Variants in BICD1 observed in about 807,000 individuals in gnomAD.
The protein encoded by BICD1 is protein bicaudal D homolog 1.
In BICD1, 35 loss-of-function variants were observed where a neutral mutation model predicts 92.5. The observed-to-expected ratio is 0.38, with a 90% CI of 0.29 to 0.50. BICD1 has a LOEUF of 0.50. Among genes scored for constraint, BICD1 ranks in the 20% least tolerant of loss-of-function variants. BICD1 has a pLI of 0.93. For synonymous variants in BICD1, 429 were observed against 465.1 expected, an observed-to-expected ratio of 0.92 and a Z score of 1.00; for missense variants, 950 against 1,189.8, an observed-to-expected ratio of 0.80 and a Z score of 2.97.
At chr12:32,248,092 C>A (rs1161346337) in intron 2 of BICD1, among the ~76,000 whole-genome samples, 43 of 150,188 alleles carry the variant, frequency 2.9e-4, no homozygotes, top group African/African-American at 1.0e-3. Context: ...AACAAACAAA[C>A]AAACAAAAAA....
intron 1 of BICD1, among the ~76,000 whole-genome samples, chr12:32,173,396 A>C (rs1944006658): frequency 6.6e-6 from 1 of 152,072 alleles, no homozygotes; most frequent in African/African-American, 2.4e-5. Flanking sequence ...ACTCCTAGAA[A>C]CTTTCACCTG....
intron 2 of BICD1, among the ~76,000 whole-genome samples, chr12:32,283,819 C>G (rs1286388115): frequency 6.6e-6 from 1 of 152,190 alleles, no homozygotes; most frequent in African/African-American, 2.4e-5. Flanking sequence ...CTGGGCCTGT[C>G]CCATGGATCT....
intron 5 of BICD1, chr12:32,332,401 G>A: frequency 1.0e-6 from 1 of 973,136 alleles, no homozygotes; most frequent in Non-Finnish European, 1.2e-6. Flanking sequence ...TAAATAAATA[G>A]GCATTCTGTA....
chr12:32,311,535 C>G (rs1948378809), intron 4 of BICD1, among the ~76,000 whole-genome samples: 1 of 152,068 alleles, frequency 6.6e-6, no homozygotes, highest in Admixed American at 6.6e-5. Context: ...TGGTTTGGTT[C>G]AGAAAGGTGG....
At chr12:32,272,863 G>T (rs1947179579) in intron 2 of BICD1, among the ~76,000 whole-genome samples, 2 of 152,190 alleles carry the variant, frequency 1.3e-5, no homozygotes, top group African/African-American at 4.8e-5. Flanking sequence ...GGAGGGTTTA[G>T]ATTGGAAAAT....
At chr12:32,220,784 C>G (rs1196037374) in intron 2 of BICD1, among the ~76,000 whole-genome samples, 1 of 137,644 alleles carries the variant, frequency 7.3e-6, no homozygotes, top group African/African-American at 2.8e-5. Context: ...GCTATAAAGA[C>G]ACATGCACAC....
chr12:32,242,573 AT>A (rs1946267757), intron 2 of BICD1, among the ~76,000 whole-genome samples: 1 of 152,188 alleles, frequency 6.6e-6, no homozygotes, highest in Admixed American at 6.5e-5. Context: ...ATTAAGTACA[AT>A]TTAATATAAT....
intron 1 of BICD1, among the ~76,000 whole-genome samples, chr12:32,190,792 C>T (rs767822711): frequency 6.6e-6 from 1 of 152,130 alleles, no homozygotes; most frequent in Admixed American, 6.5e-5. Flanking sequence ...CAGCAGAATA[C>T]ACGTTTTTCT....
intron 4 of BICD1, among the ~76,000 whole-genome samples, chr12:32,315,264 A>G (rs1691140248): frequency 6.6e-6 from 1 of 152,220 alleles, no homozygotes. Flanking sequence ...TCCAAAATCA[A>G]CTGGTCATAG....
rs1938206247 is a variant in BICD1, at chr12:32,337,944, A to G, written c.2570+128A>G. ...AAGAAAAAATGGGAGCTGGCATATA[A>G]ATGGTCTTGCTAATGTGGGTCTTTC... On this transcript the variant is annotated intron_variant, in intron 7 of 9. Transcript: ENST00000652176. This position sits in a 1 kb window ranked among gnomAD's most constrained non-coding sequence, Gnocchi z 4.7. The G allele has an allele frequency of 9.5e-7, 1 of 1,050,184 alleles. No homozygotes were observed. The highest frequency in any genetic ancestry group is 1.6e-5 in the African/African-American group (1 of 62,984). 65.1% of individuals were successfully genotyped at this position (1,050,184 alleles called of 1,614,324 possible). A position where few individuals can be genotyped will look rare whatever the true frequency, so the allele number is the denominator to read the frequency against.
At chr12:32,317,293 C>T (rs1348491090) in intron 4 of BICD1, among the ~76,000 whole-genome samples, 2 of 152,216 alleles carry the variant, frequency 1.3e-5, no homozygotes, top group African/African-American at 2.4e-5. Flanking sequence ...CTGACTTCCA[C>T]AATGGTCGAA....
intron 2 of BICD1, among the ~76,000 whole-genome samples, chr12:32,276,897 A>G (rs1947289006): frequency 6.6e-6 from 1 of 152,190 alleles, no homozygotes; most frequent in Non-Finnish European, 1.5e-5. Context: ...AGCAATAGGT[A>G]AAAAAATGAC....
intron 2 of BICD1, among the ~76,000 whole-genome samples, chr12:32,246,567 G>C (rs537978834): frequency 6.6e-6 from 1 of 152,090 alleles, no homozygotes; most frequent in Non-Finnish European, 1.5e-5. Context: ...GAGCCTGGGG[G>C]GTTGAGGCTG....
At chr12:32,171,744 G>A (rs115748133) in intron 1 of BICD1, among the ~76,000 whole-genome samples, 3,891 of 152,192 alleles carry the variant, frequency 0.026, 170 homozygotes, top group African/African-American at 0.089. Context: ...GACCAGTCTG[G>A]CCAACATGGT....
In BICD1 at chr12:32,116,167, A is replaced by ATT. The variant is rs35776518; in HGVS notation, c.213+8631_213+8632dup. ...GGTGTTGCAATACATAATGTCTATG[A>ATT]TTTTTTTTTACCAGCTCTAAATCTC... On this transcript the variant is annotated intron_variant, in intron 1 of 9. Coordinates refer to ENST00000652176, the MANE Select transcript of BICD1 (RefSeq NM_001714.4). Among the ~76,000 whole-genome samples the ATT allele has an allele frequency of 7.2e-4, 109 of 151,360 alleles. 1 individual carries two copies. In the East Asian group the frequency reaches 0.014, roughly 19 times the overall value.
Position 32,346,586 on chromosome 12 carries a change from GTATATATATATA to G in BICD1, c.2764+7622_2764+7633del, listed in dbSNP as rs1209956649. On this transcript the variant is annotated intron_variant, in intron 8 of 9. Coordinates refer to ENST00000652176, the MANE Select transcript of BICD1 (RefSeq NM_001714.4). ...TATATATATATATATATATATACGT[GTATATATATATA>G]TATATATATATATACGTGTATATAT... Among the ~76,000 whole-genome samples the G allele has an allele frequency of 9.7e-4, 10 of 10,354 alleles. 1 individual carries two copies. Among genetic ancestry groups the G allele is most frequent in the Non-Finnish European group, 1.2e-3 (4 of 3,400 alleles). 6.8% of individuals were successfully genotyped at this position (10,354 alleles called of 152,430 possible). A position where few individuals can be genotyped will look rare whatever the true frequency, so the allele number is the denominator to read the frequency against.
chr12:32,267,609 CCT>C (rs1947033022), intron 2 of BICD1, among the ~76,000 whole-genome samples: 1 of 151,822 alleles, frequency 6.6e-6, no homozygotes, highest in African/African-American at 2.4e-5. Flanking sequence ...ATTTATCAAT[CCT>C]TATTAAGCTA....
chr12:32,282,206 T>C (rs1338041742), intron 2 of BICD1, among the ~76,000 whole-genome samples: 4 of 11,694 alleles, frequency 3.4e-4, no homozygotes, highest in African/African-American at 1.2e-3. Context: ...CTTCTTCTTT[T>C]TTTTTTTTTT....
intron 1 of BICD1, among the ~76,000 whole-genome samples, chr12:32,209,073 A>G (rs1779109981): frequency 6.6e-6 from 1 of 152,132 alleles, no homozygotes; most frequent in Non-Finnish European, 1.5e-5. Context: ...CACCTGCCTC[A>G]GCCTCCCAAA....
Sources: allele counts gnomAD v4.1 joint callset (sites outside exome capture counted in the v4.1 genomes callset), GRCh38; gene constraint gnomAD v4.1.1; non-coding constraint Gnocchi (gnomAD v3.1); transcripts MANE v1.5; gene names NCBI Gene and HGNC (gene_info 2026-07-23, HGNC 2026-07-21).